DSCAM: variants seen among roughly 807,000 people sequenced by gnomAD.
The protein encoded by DSCAM is cell adhesion molecule DSCAM.
DSCAM carries 47 observed loss-of-function variants against 217.7 expected under a neutral mutation model. The ratio of observed to expected loss-of-function variants is 0.22; its 90% confidence interval spans 0.17 to 0.28. DSCAM has a LOEUF of 0.28. Among genes scored for constraint, DSCAM ranks in the 10% least tolerant of loss-of-function variants. DSCAM has a pLI of 1.00. For synonymous variants in DSCAM, 1,056 were observed against 1,015.3 expected (o/e 1.04, Z -0.76); for missense variants, 2,080 against 2,618.3 (o/e 0.79, Z 4.49).
At chr21:40,237,103 TA>T (rs1040520186) in intron 11 of DSCAM, among the ~76,000 whole-genome samples, 3 of 152,220 alleles carry the variant, frequency 2.0e-5, no homozygotes, top group African/African-American at 7.2e-5. Flanking sequence ...GCTGCTGGAA[TA>T]AGTTCTCACT....
At chr21:40,819,201 T>C (rs1475251175) in intron 1 of DSCAM, among the ~76,000 whole-genome samples, 7 of 152,204 alleles carry the variant, frequency 4.6e-5, no homozygotes, top group African/African-American at 1.4e-4. Flanking sequence ...ATTTAATGAT[T>C]GAATGATTAA....
chr21:40,119,934 T>C (rs2090014215), intron 20 of DSCAM, among the ~76,000 whole-genome samples: 1 of 152,044 alleles, frequency 6.6e-6, no homozygotes, highest in Admixed American at 6.6e-5. Context: ...TCCTGCACAT[T>C]TCTGGTTCTC....
chr21:40,686,801 CA>C (rs1046064275), intron 3 of DSCAM, among the ~76,000 whole-genome samples: 6 of 152,158 alleles, frequency 3.9e-5, no homozygotes, highest in Non-Finnish European at 8.8e-5. Flanking sequence ...TGGTGTCACA[CA>C]GGGGCTCTCC....
intron 3 of DSCAM, among the ~76,000 whole-genome samples, chr21:40,469,043 C>T (rs1601667291): frequency 6.6e-6 from 1 of 152,024 alleles, no homozygotes; most frequent in Non-Finnish European, 1.5e-5. Context: ...CATAAAGTTA[C>T]GGGACTTCAG....
chr21:40,781,322 T>C (rs912467884), intron 1 of DSCAM, among the ~76,000 whole-genome samples: 1 of 152,014 alleles, frequency 6.6e-6, no homozygotes, highest in African/African-American at 2.4e-5. Context: ...GCCTGGCCCA[T>C]TTTGTACATT....
intron 3 of DSCAM, among the ~76,000 whole-genome samples, chr21:40,402,947 G>A (rs1264867073): frequency 2.7e-5 from 4 of 150,096 alleles, no homozygotes; most frequent in Non-Finnish European, 4.4e-5. Flanking sequence ...ACACAATTGA[G>A]AAAATTTGGA....
rs1394767107 is a variant in DSCAM, at chr21:40,376,578, TC to T, written c.509-7334del. ...GATATCTATATATCTTATATCGATATCTATATATCTTATATCGATATCTATA... is the reference window on the plus strand; with the variant it reads ...GATATCTATATATCTTATATCGATATTATATATCTTATATCGATATCTATA... On this transcript the variant is annotated intron_variant, in intron 3 of 32. Transcript: ENST00000400454. Among the ~76,000 whole-genome samples, 6 of 82,004 alleles carry T rather than the reference TC, an allele frequency of 7.3e-5. 2 individuals carry two copies. The highest frequency in any genetic ancestry group is 2.8e-5 in the Non-Finnish European group (1 of 35,880). The allele number at this position is 82,004 out of a possible 152,430, so 53.8% of individuals were successfully genotyped here. A position where few individuals can be genotyped will look rare whatever the true frequency, so the allele number is the denominator to read the frequency against.
intron 1 of DSCAM, among the ~76,000 whole-genome samples, chr21:40,780,600 G>A (rs1057416831): frequency 1.4e-4 from 21 of 151,950 alleles, no homozygotes; most frequent in African/African-American, 5.1e-4. Flanking sequence ...TTTGGAGATA[G>A]GGTCTTTAAA....
At chr21:40,118,170 A>G (rs1431562818) in intron 20 of DSCAM, among the ~76,000 whole-genome samples, 1 of 152,240 alleles carries the variant, frequency 6.6e-6, no homozygotes, top group East Asian at 1.9e-4. Flanking sequence ...AGGAAATAAC[A>G]TGCTCAGATT....
rs1202355440 is a variant in DSCAM at position 40,342,648 on chromosome 21, ATTTTTT to A, written c.1211-3239_1211-3234del. Among the ~76,000 whole-genome samples the A allele has an allele frequency of 5.7e-4, 46 of 80,298 alleles. 1 individual carries two copies. Among genetic ancestry groups the A allele is most frequent in the African/African-American group, 2.2e-3 (42 of 19,176 alleles). The allele number at this position is 80,298 out of a possible 152,430, so 52.7% of individuals were successfully genotyped here. A position where few individuals can be genotyped will look rare whatever the true frequency, so the allele number is the denominator to read the frequency against. ...TGTGTATATATATATATATATATAT[ATTTTTT>A]TTTTTTTTTTGAGACAGTGTCTCTC... On this transcript the variant is annotated intron_variant, in intron 6 of 32. Coordinates refer to ENST00000400454, the MANE Select transcript of DSCAM (RefSeq NM_001389.5).
chr21:40,827,410 G>A (rs1389535343), intron 1 of DSCAM, among the ~76,000 whole-genome samples: 4 of 148,184 alleles, frequency 2.7e-5, no homozygotes, highest in African/African-American at 7.5e-5. Flanking sequence ...TTGAGGCCAT[G>A]GTGAACTGTG....
chr21:40,645,584 C>T (rs576795098), intron 3 of DSCAM, among the ~76,000 whole-genome samples: 3 of 152,084 alleles, frequency 2.0e-5, no homozygotes, highest in South Asian at 2.1e-4. Flanking sequence ...ATAGGTAGGA[C>T]GATTCCTAAA....
intron 3 of DSCAM, among the ~76,000 whole-genome samples, chr21:40,420,253 A>G (rs555106992): frequency 6.6e-6 from 1 of 152,320 alleles, no homozygotes; most frequent in African/African-American, 2.4e-5. Flanking sequence ...CTATAGATAT[A>G]TGTGAAAGAC....
chr21:40,255,288 G>T (rs571313666), intron 11 of DSCAM, among the ~76,000 whole-genome samples: 4 of 152,068 alleles, frequency 2.6e-5, no homozygotes, highest in African/African-American at 7.2e-5. Context: ...GCCGGGTTCC[G>T]CTCTGCAACC....
At chr21:40,712,913 T>C (rs2090798350) in intron 1 of DSCAM, among the ~76,000 whole-genome samples, 1 of 152,082 alleles carries the variant, frequency 6.6e-6, no homozygotes, top group Non-Finnish European at 1.5e-5. Context: ...CCCCTTCCAC[T>C]ATGAACAGGA....
At chr21:40,320,471 A>C (rs2074247323) in intron 8 of DSCAM, among the ~76,000 whole-genome samples, 1 of 152,170 alleles carries the variant, frequency 6.6e-6, no homozygotes, top group Non-Finnish European at 1.5e-5. Context: ...AATTATTTCT[A>C]AGTTAATTAA....
chr21:40,098,041 A>T (rs1243619964), intron 20 of DSCAM, among the ~76,000 whole-genome samples: 1 of 147,044 alleles, frequency 6.8e-6, no homozygotes, highest in Non-Finnish European at 1.5e-5. Context: ...TAAAAACACA[A>T]ATAGGTTAAA....
chr21:40,366,362 A>G (rs1221379236), intron 4 of DSCAM, among the ~76,000 whole-genome samples: 4 of 151,768 alleles, frequency 2.6e-5, no homozygotes, highest in Admixed American at 1.3e-4. Context: ...TTGATTTCCC[A>G]TATTATGCTT....
At position 40,426,037 on chromosome 21, in the gene DSCAM, T is replaced by C. The variant is rs116270095; in HGVS notation, c.509-56792A>G. 1.0e-2 allele frequency among the ~76,000 whole-genome samples: 1,519 copies of C among 152,298 alleles called. 28 individuals are homozygous for C. Among genetic ancestry groups the C allele is most frequent in the African/African-American group, 0.031 (1,306 of 41,556 alleles). ...GAGCTTCTCCAAATCTCATGTTTGA[T>C]TGTTAAATTTGCACCTGTGAACACA... On this transcript the variant is annotated intron_variant, in intron 3 of 32. Coordinates refer to ENST00000400454, the MANE Select transcript of DSCAM (RefSeq NM_001389.5).
Sources: allele counts gnomAD v4.1 joint callset (sites outside exome capture counted in the v4.1 genomes callset), GRCh38; gene constraint gnomAD v4.1.1; transcripts MANE v1.5; gene names NCBI Gene and HGNC (gene_info 2026-07-23, HGNC 2026-07-21).